ZNF536: variants seen among roughly 807,000 people sequenced by gnomAD.
The protein encoded by ZNF536 is zinc finger protein 536.
Under a neutral mutation model 84.5 loss-of-function variants are expected in ZNF536, and 13 were observed. The observed-to-expected ratio is 0.15, with a 90% confidence interval of 0.10 to 0.24. The LOEUF (loss-of-function observed/expected upper bound fraction) is 0.24, where lower values mean the gene tolerates loss of function less well. Among genes scored for constraint, ZNF536 ranks in the 10% least tolerant of loss-of-function variants. The probability of loss-of-function intolerance (pLI) is 1.00; values close to 1 mark genes in which losing one functional copy is unlikely to be tolerated. For missense variants in ZNF536, 1,536 were observed against 1,747.5 expected, an observed-to-expected ratio of 0.88 and a Z score of 2.16; for synonymous variants, 811 against 742.5, an observed-to-expected ratio of 1.09 and a Z score of -1.50.
intron 1 of ZNF536, among the ~76,000 whole-genome samples, chr19:30,653,352 A>C (rs745998888): frequency 3.5e-4 from 53 of 152,126 alleles, no homozygotes; most frequent in Non-Finnish European, 6.9e-4. Flanking sequence ...TCGGGGAGAC[A>C]AGCAGACACA....
At chr19:30,664,446 G>A (rs2050245681) in intron 1 of ZNF536, among the ~76,000 whole-genome samples, 1 of 152,144 alleles carries the variant, frequency 6.6e-6, no homozygotes, top group Non-Finnish European at 1.5e-5. Flanking sequence ...GGTGGATGGA[G>A]CCTGGGACTG....
At chr19:30,598,594 A>G (rs1296261286) in intron 1 of ZNF536, among the ~76,000 whole-genome samples, 1 of 152,132 alleles carries the variant, frequency 6.6e-6, no homozygotes, top group African/African-American at 2.4e-5. Context: ...ATGAAGCATA[A>G]TTATCCACTC....
intron 1 of ZNF536, among the ~76,000 whole-genome samples, chr19:30,406,119 G>A (rs1246888707): frequency 6.6e-6 from 1 of 152,154 alleles, no homozygotes; most frequent in East Asian, 1.9e-4. Flanking sequence ...CTAAAGTCAG[G>A]AGTTCCTGAG....
intron 1 of ZNF536, among the ~76,000 whole-genome samples, chr19:30,274,984 T>C (rs990774803): frequency 6.6e-6 from 1 of 152,216 alleles, no homozygotes; most frequent in African/African-American, 2.4e-5. Flanking sequence ...ATTTTCTGGA[T>C]TTTTCCCCCG....
intron 2 of ZNF536, among the ~76,000 whole-genome samples, chr19:30,314,462 T>C (rs2046613163): frequency 6.6e-6 from 1 of 152,096 alleles, no homozygotes; most frequent in Non-Finnish European, 1.5e-5. Flanking sequence ...GAGGGTCCAC[T>C]TATCAGGTCT....
chr19:30,341,842 T>C (rs977048926), intron 2 of ZNF536, among the ~76,000 whole-genome samples: 1 of 152,206 alleles, frequency 6.6e-6, no homozygotes, highest in Admixed American at 6.5e-5. Context: ...CATTTCACAA[T>C]AAACATGTTG....
At chr19:30,710,956 A>C (rs1238614391) in exon 2 of ZNF536, 1 of 152,332 alleles carries the variant, frequency 6.6e-6, no homozygotes, top group Non-Finnish European at 1.5e-5. Flanking sequence ...GGAGCTCTGC[A>C]GACCTCACGG....
intron 3 of ZNF536, among the ~76,000 whole-genome samples, chr19:30,354,177 G>A (rs1188764922): frequency 6.6e-6 from 1 of 151,946 alleles, no homozygotes; most frequent in Non-Finnish European, 1.5e-5. Context: ...CTTGGACTCT[G>A]TAGAATAAAC....
intron 2 of ZNF536, among the ~76,000 whole-genome samples, chr19:30,478,375 C>T (rs11883011): frequency 0.14 from 21,874 of 151,788 alleles, 2,186 homozygotes; most frequent in African/African-American, 0.28. Flanking sequence ...TGTATAAGTC[C>T]GGGGTAGGGG....
intron 1 of ZNF536, among the ~76,000 whole-genome samples, chr19:30,424,676 C>G (rs1368233368): frequency 6.6e-6 from 1 of 152,158 alleles, no homozygotes; most frequent in African/African-American, 2.4e-5. Flanking sequence ...CTTATTAAAT[C>G]CACACGGCCT....
At chr19:30,405,225 C>A (rs1031442827) in intron 1 of ZNF536, among the ~76,000 whole-genome samples, 2 of 152,072 alleles carry the variant, frequency 1.3e-5, no homozygotes, top group Non-Finnish European at 2.9e-5. Context: ...GTCTTAAGAC[C>A]CCAAGTCAGA....
chr19:30,401,686 T>G (rs1190713776), intron 1 of ZNF536, among the ~76,000 whole-genome samples: 1 of 152,218 alleles, frequency 6.6e-6, no homozygotes, highest in African/African-American at 2.4e-5. Flanking sequence ...ATAAAATATG[T>G]TTTTCTATTT....
chr19:30,262,842 G>A (rs901322006), intron 1 of ZNF536, among the ~76,000 whole-genome samples: 1 of 152,136 alleles, frequency 6.6e-6, no homozygotes, highest in African/African-American at 2.4e-5. Flanking sequence ...TCAATATTTG[G>A]GACTTTCTGA....
chr19:30,662,296 A>T (rs2050148201), intron 1 of ZNF536, among the ~76,000 whole-genome samples: 2 of 152,202 alleles, frequency 1.3e-5, no homozygotes, highest in African/African-American at 4.8e-5. Flanking sequence ...CACTTTAGTA[A>T]TCTGTGCCTA....
intron 2 of ZNF536, among the ~76,000 whole-genome samples, chr19:30,524,037 A>T (rs916943573): frequency 3.9e-5 from 6 of 152,056 alleles, no homozygotes; most frequent in African/African-American, 1.2e-4. Flanking sequence ...CATTGCCCCC[A>T]CCCCGTGCCC....
At chr19:30,678,509 G>A (rs973784588) in intron 1 of ZNF536, among the ~76,000 whole-genome samples, 26 of 152,170 alleles carry the variant, frequency 1.7e-4, no homozygotes, top group African/African-American at 5.8e-4. Context: ...CTCTCAGGAA[G>A]CAGTTACCTG....
intron 2 of ZNF536, among the ~76,000 whole-genome samples, chr19:30,465,720 A>G (rs1195369854): frequency 1.7e-5 from 2 of 117,878 alleles, no homozygotes; most frequent in East Asian, 5.8e-4. Flanking sequence ...GCAAAATATC[A>G]TGTCTATAAA....
intron 1 of ZNF536, among the ~76,000 whole-genome samples, chr19:30,408,692 T>TCATCCATCCATATGTC (rs2050362284): frequency 6.6e-6 from 1 of 152,166 alleles, no homozygotes; most frequent in East Asian, 1.9e-4. Context: ...AATTAGTTAT[T>TCATCCATCCATATGTC]CATCCATCCA....
chr19:30,232,149 G>T (rs2144664002), intron 1 of ZNF536, among the ~76,000 whole-genome samples: 1 of 152,222 alleles, frequency 6.6e-6, no homozygotes, highest in East Asian at 1.9e-4. Context: ...ACCTGGGGTG[G>T]GCGTGGGGGC....
Sources: allele counts gnomAD v4.1 joint callset (sites outside exome capture counted in the v4.1 genomes callset), GRCh38; gene constraint gnomAD v4.1.1; transcripts MANE v1.5; gene names NCBI Gene and HGNC (gene_info 2026-07-23, HGNC 2026-07-21).